The following SORCS1 variants were observed in gnomAD, a reference collection of about 807,000 sequenced individuals.
SORCS1 encodes the protein sortilin related VPS10 domain containing receptor 1.
A neutral mutation model predicts 146.1 loss-of-function variants in SORCS1; 60 were observed. That is an observed-to-expected ratio of 0.41 (90% CI 0.33 to 0.51). The LOEUF is 0.51. SORCS1 is among the 20% of genes least tolerant of loss of function. SORCS1 has a pLI of 0.21. For synonymous variants in SORCS1, 637 were observed against 584.0 expected (o/e 1.09, Z -1.31); for missense variants, 1,352 against 1,487.6 (o/e 0.91, Z 1.50).
intron 1 of SORCS1, among the ~76,000 whole-genome samples, chr10:106,981,600 C>A (rs1404088331): frequency 1.3e-5 from 2 of 152,182 alleles, no homozygotes; most frequent in Non-Finnish European, 2.9e-5. Flanking sequence ...GATGTAATCA[C>A]TTCCCTTGGG....
chr10:106,803,139 G>T (rs571322603), intron 3 of SORCS1, among the ~76,000 whole-genome samples: 1 of 151,934 alleles, frequency 6.6e-6, no homozygotes, highest in Non-Finnish European at 1.5e-5. Flanking sequence ...GCAGACCTTG[G>T]GCCCAAACCT....
At chr10:106,639,587 C>T (rs939427196) in intron 18 of SORCS1, among the ~76,000 whole-genome samples, 1 of 152,086 alleles carries the variant, frequency 6.6e-6, no homozygotes, top group African/African-American at 2.4e-5. Flanking sequence ...GCCTCATTTC[C>T]TTCAACAACA....
intron 1 of SORCS1, among the ~76,000 whole-genome samples, chr10:107,009,743 C>T (rs1245417671): frequency 4.6e-5 from 7 of 152,088 alleles, no homozygotes; most frequent in Admixed American, 1.3e-4. Context: ...TATTTTCTGA[C>T]GAAAATGTTA....
At chr10:106,596,300 G>C (rs1845900305) in intron 24 of SORCS1, among the ~76,000 whole-genome samples, 1 of 152,174 alleles carries the variant, frequency 6.6e-6, no homozygotes, top group Non-Finnish European at 1.5e-5. Flanking sequence ...GTTTTGTGAA[G>C]ATGAAGACCA....
intron 24 of SORCS1, among the ~76,000 whole-genome samples, chr10:106,580,632 G>GTGGT (rs1187550198): frequency 6.6e-6 from 1 of 152,144 alleles, no homozygotes; most frequent in Non-Finnish European, 1.5e-5. Flanking sequence ...ACCATTTTCT[G>GTGGT]TGGTTTTCTC....
At chr10:106,727,677 G>A (rs1447557883) in intron 6 of SORCS1, among the ~76,000 whole-genome samples, 1 of 152,280 alleles carries the variant, frequency 6.6e-6, no homozygotes, top group Non-Finnish European at 1.5e-5. Context: ...TTGTATAAAA[G>A]CAATCAAAAT....
chr10:106,826,600 G>T (rs1948316793), intron 3 of SORCS1, among the ~76,000 whole-genome samples: 3 of 152,130 alleles, frequency 2.0e-5, no homozygotes, highest in Admixed American at 2.0e-4. Flanking sequence ...ATATTTCATG[G>T]TGATAAATTC....
intron 1 of SORCS1, among the ~76,000 whole-genome samples, chr10:107,106,540 A>C (rs1167325868): frequency 1.3e-5 from 2 of 152,210 alleles, no homozygotes; most frequent in Non-Finnish European, 2.9e-5. Context: ...TATAACAAAA[A>C]ACTATTATAT....
intron 1 of SORCS1, among the ~76,000 whole-genome samples, chr10:107,042,198 T>C (rs1959171768): frequency 6.6e-6 from 1 of 152,190 alleles, no homozygotes; most frequent in African/African-American, 2.4e-5. Flanking sequence ...CTTGTATCTA[T>C]AAATTTCATT....
At chr10:106,665,895 G>A (rs2135418422) in intron 17 of SORCS1, among the ~76,000 whole-genome samples, 1 of 152,248 alleles carries the variant, frequency 6.6e-6, no homozygotes, top group Admixed American at 6.5e-5. Context: ...CTGGAGTGCA[G>A]TGGCACGATT....
chr10:106,922,972 T>A (rs567829994), intron 2 of SORCS1, among the ~76,000 whole-genome samples: 1 of 149,264 alleles, frequency 6.7e-6, no homozygotes, highest in African/African-American at 2.5e-5. Context: ...CACTGGAACC[T>A]CCACCTCCCG....
At chr10:106,682,379 C>T (rs115910679) in intron 10 of SORCS1, among the ~76,000 whole-genome samples, 3 of 152,082 alleles carry the variant, frequency 2.0e-5, no homozygotes, top group African/African-American at 7.2e-5. Flanking sequence ...TTGCCCCCAG[C>T]TGGTATAAGG....
intron 2 of SORCS1, among the ~76,000 whole-genome samples, chr10:106,896,259 T>C (rs530681317): frequency 6.6e-6 from 1 of 152,036 alleles, no homozygotes; most frequent in East Asian, 1.9e-4. Flanking sequence ...TGAAACCTCA[T>C]CTCTACTAAA....
At chr10:107,051,124 G>C (rs533873683) in intron 1 of SORCS1, among the ~76,000 whole-genome samples, 206 of 152,192 alleles carry the variant, frequency 1.4e-3, no homozygotes, top group African/African-American at 4.5e-3. Context: ...AGAAAGTCTA[G>C]AATATTGTTC....
intron 24 of SORCS1, among the ~76,000 whole-genome samples, chr10:106,581,178 T>A (rs1251080790): frequency 1.3e-5 from 2 of 152,176 alleles, no homozygotes; most frequent in African/African-American, 4.8e-5. Flanking sequence ...ATTATCACAA[T>A]TGATTTTCAC....
At chr10:107,067,072 A>G (rs1961943393) in intron 1 of SORCS1, among the ~76,000 whole-genome samples, 1 of 152,172 alleles carries the variant, frequency 6.6e-6, no homozygotes, top group African/African-American at 2.4e-5. Context: ...GCATTGTTTT[A>G]TGGGAGCTGG....
At chr10:106,636,389 ATTATC>A (rs1423075696) in intron 18 of SORCS1, among the ~76,000 whole-genome samples, 1 of 152,226 alleles carries the variant, frequency 6.6e-6, no homozygotes, top group African/African-American at 2.4e-5. Context: ...CTTTCTATAT[ATTATC>A]TTATTTAAAC....
At chr10:106,612,833 G>A (rs1400695161) in intron 21 of SORCS1, among the ~76,000 whole-genome samples, 1 of 152,128 alleles carries the variant, frequency 6.6e-6, no homozygotes, top group African/African-American at 2.4e-5. Flanking sequence ...GATAGTAAAT[G>A]ATCTGGAGCA....
chr10:106,878,650 T>TATATATATATATATATA (rs1344451408), intron 2 of SORCS1, among the ~76,000 whole-genome samples: 90 of 66,790 alleles, frequency 1.3e-3, no homozygotes, highest in East Asian at 5.5e-3. Context: ...ATATATATAT[T>TATATATATATATATATA]TTATAGCAGC....
Sources: allele counts gnomAD v4.1 joint callset (sites outside exome capture counted in the v4.1 genomes callset), GRCh38; gene constraint gnomAD v4.1.1; transcripts MANE v1.5; gene names NCBI Gene and HGNC (gene_info 2026-07-23, HGNC 2026-07-21).